The following SUCLG2 variants were observed in gnomAD, a reference collection of about 807,000 sequenced individuals.
SUCLG2 encodes succinate--CoA ligase [GDP-forming] subunit beta, mitochondrial.
Under a neutral mutation model 47.9 loss-of-function variants are expected in SUCLG2, and 42 were observed. The observed-to-expected ratio is 0.88, with a 90% CI of 0.69 to 1.14. SUCLG2 has a LOEUF of 1.14. SUCLG2 is among the 50% of genes most tolerant of loss of function. The probability of loss-of-function intolerance (pLI) is 0.00; values close to 1 mark genes in which losing one functional copy is unlikely to be tolerated. For synonymous variants in SUCLG2, 195 were observed against 197.3 expected (o/e 0.99, Z 0.10); for missense variants, 571 against 525.9 (o/e 1.09, Z -0.84).
intron 9 of SUCLG2, among the ~76,000 whole-genome samples, chr3:67,454,976 A>G (rs1269313694): frequency 1.3e-5 from 2 of 150,766 alleles, no homozygotes; most frequent in Non-Finnish European, 3.0e-5. Context: ...AAAAAAAAAA[A>G]AAAAAGAAAA....
chr3:67,575,063 T>A (rs574200272), intron 2 of SUCLG2, among the ~76,000 whole-genome samples: 50 of 152,174 alleles, frequency 3.3e-4, no homozygotes, highest in Non-Finnish European at 7.1e-4. Flanking sequence ...CAAAAGTTAG[T>A]GAGGATATAA....
At chr3:67,365,867 A>G (rs1265940579) in intron 10 of SUCLG2, among the ~76,000 whole-genome samples, 1 of 152,220 alleles carries the variant, frequency 6.6e-6, no homozygotes, top group African/African-American at 2.4e-5. Flanking sequence ...TTAAATTTGT[A>G]CAGGCAGTTT....
intron 9 of SUCLG2, among the ~76,000 whole-genome samples, chr3:67,494,452 C>T (rs920099215): frequency 6.6e-6 from 1 of 151,916 alleles, no homozygotes; most frequent in African/African-American, 2.4e-5. Context: ...CTGAGCAACA[C>T]AGCAAGACAA....
chr3:67,599,516 G>A (rs920221940), intron 2 of SUCLG2, among the ~76,000 whole-genome samples: 3 of 152,130 alleles, frequency 2.0e-5, no homozygotes, highest in African/African-American at 7.2e-5. Context: ...CTAATGGACA[G>A]ATCATTTATA....
At chr3:67,437,645 T>C (rs1006413738) in intron 9 of SUCLG2, among the ~76,000 whole-genome samples, 2 of 151,244 alleles carry the variant, frequency 1.3e-5, no homozygotes, top group East Asian at 1.9e-4. Context: ...ATTTCTTCTA[T>C]TTTTTTTTAA....
At chr3:67,469,317 G>A (rs1015270066) in intron 9 of SUCLG2, among the ~76,000 whole-genome samples, 1 of 152,220 alleles carries the variant, frequency 6.6e-6, no homozygotes, top group African/African-American at 2.4e-5. Flanking sequence ...AGAAATCAGT[G>A]GGGAACCTAA....
chr3:67,550,740 G>C (rs1706990759), intron 2 of SUCLG2, among the ~76,000 whole-genome samples: 1 of 152,230 alleles, frequency 6.6e-6, no homozygotes, highest in South Asian at 2.1e-4. Flanking sequence ...ATAAGTTCAT[G>C]AGCTGCAGGC....
chr3:67,618,693 A>C (rs1198829909), intron 1 of SUCLG2, among the ~76,000 whole-genome samples: 1 of 152,236 alleles, frequency 6.6e-6, no homozygotes, highest in Non-Finnish European at 1.5e-5. Context: ...GAACCACCAC[A>C]GACAAAAACT....
intron 9 of SUCLG2, among the ~76,000 whole-genome samples, chr3:67,465,076 G>A (rs535494962): frequency 3.5e-4 from 53 of 152,202 alleles, no homozygotes; most frequent in African/African-American, 1.0e-3. Context: ...AGATCCCAGA[G>A]GCATGGAGAA....
At chr3:67,442,447 A>G (rs914077344) in intron 9 of SUCLG2, among the ~76,000 whole-genome samples, 2 of 152,190 alleles carry the variant, frequency 1.3e-5, no homozygotes, top group East Asian at 1.9e-4. Flanking sequence ...GGGCTACTAA[A>G]TTGGAATCTC....
intron 6 of SUCLG2, among the ~76,000 whole-genome samples, chr3:67,512,917 CT>C (rs1307383028): frequency 2.0e-5 from 3 of 150,546 alleles, no homozygotes; most frequent in Non-Finnish European, 4.4e-5. Context: ...ACACACCCCC[CT>C]CTATATATAC....
chr3:67,587,571 G>A (rs1484855874), intron 2 of SUCLG2, among the ~76,000 whole-genome samples: 2 of 152,180 alleles, frequency 1.3e-5, no homozygotes, highest in East Asian at 3.8e-4. Context: ...AAAGTGCAGT[G>A]ACAGCTGGAA....
intron 1 of SUCLG2, among the ~76,000 whole-genome samples, chr3:67,633,551 C>T (rs933517739): frequency 2.6e-5 from 4 of 152,138 alleles, no homozygotes; most frequent in African/African-American, 9.7e-5. Context: ...CAGTGATTTG[C>T]TCCCCAGGTT....
intron 2 of SUCLG2, among the ~76,000 whole-genome samples, chr3:67,557,201 C>A (rs1707184305): frequency 6.6e-6 from 1 of 152,168 alleles, no homozygotes; most frequent in African/African-American, 2.4e-5. Flanking sequence ...GTATCAAATG[C>A]ATGCAACTCT....
intron 1 of SUCLG2, among the ~76,000 whole-genome samples, chr3:67,627,250 T>C (rs941846735): frequency 1.3e-5 from 2 of 152,182 alleles, no homozygotes; most frequent in African/African-American, 4.8e-5. Context: ...CAATTTTTAC[T>C]TGGCATCTGC....
chr3:67,532,999 AG>A (rs1362396131), intron 2 of SUCLG2, among the ~76,000 whole-genome samples: 1 of 152,230 alleles, frequency 6.6e-6, no homozygotes, highest in African/African-American at 2.4e-5. Flanking sequence ...CATTAAGAAA[AG>A]CATAATCTAA....
intron 9 of SUCLG2, among the ~76,000 whole-genome samples, chr3:67,450,652 G>A (rs909749532): frequency 1.4e-4 from 21 of 152,154 alleles, no homozygotes; most frequent in African/African-American, 5.1e-4. Context: ...CCTCTATGGA[G>A]AAATCAAGGC....
At chr3:67,517,124 TG>T (rs1705965528) in intron 6 of SUCLG2, among the ~76,000 whole-genome samples, 2 of 152,228 alleles carry the variant, frequency 1.3e-5, no homozygotes, top group South Asian at 4.1e-4. Flanking sequence ...TAGTTCCAGA[TG>T]ACCCTGTTCC....
chr3:67,461,224 G>C (rs1381863274), intron 9 of SUCLG2, among the ~76,000 whole-genome samples: 2 of 152,108 alleles, frequency 1.3e-5, no homozygotes, highest in Non-Finnish European at 2.9e-5. Flanking sequence ...TTTACCCACA[G>C]CATGCATGAG....
Sources: gnomAD v4.1 joint callset for allele counts (sites outside exome capture counted in the v4.1 genomes callset) on GRCh38, gnomAD v4.1.1 for gene constraint, MANE v1.5 for transcripts, NCBI Gene and HGNC (gene_info 2026-07-23, HGNC 2026-07-21) for gene names.